TRPM2: variants seen among roughly 807,000 people sequenced by gnomAD.
TRPM2 encodes the protein estrogen-responsive element-associated gene 1 protein.
Under a neutral mutation model 174.0 loss-of-function variants are expected in TRPM2, and 161 were observed. The ratio of observed to expected loss-of-function variants is 0.93; its 90% CI spans 0.81 to 1.05. The LOEUF is 1.05. Among genes scored for constraint, TRPM2 ranks in the 50% least tolerant of loss-of-function variants. TRPM2 has a pLI of 0.00. For synonymous variants in TRPM2, 954 were observed against 861.3 expected, an observed-to-expected ratio of 1.11 and a Z score of -1.88; for missense variants, 2,057 against 2,038.0, an observed-to-expected ratio of 1.01 and a Z score of -0.18.
chr21:44,374,716 C>G (rs557533559), intron 5 of TRPM2, among the ~76,000 whole-genome samples: 12 of 152,204 alleles, frequency 7.9e-5, no homozygotes, highest in Admixed American at 6.5e-4. Flanking sequence ...AGGTGGAGCT[C>G]GGACAGTCAC....
chr21:44,373,059 C>CA (rs1301896965), intron 5 of TRPM2, among the ~76,000 whole-genome samples: 4 of 152,174 alleles, frequency 2.6e-5, no homozygotes, highest in African/African-American at 9.7e-5. Context: ...AAGGGCTCTG[C>CA]AGACCTTTCC....
Position 44,406,037 on chromosome 21 carries a change from G to A in TRPM2, c.2790G>A (p.Met930Ile), listed in dbSNP as rs1219384228. ...LGPKIIIVKR[M>I]MKDVFFFLFL... is the part of the protein sequence containing the mutation. ...CCAAGATCATCATTGTGAAGCGGAT[G>A]GTAAGGGGGCGGGGGCACCGGCTCC... Residue 930 changes from methionine to isoleucine, a missense_variant and splice_region_variant, in exon 18 of 32, where the codon ATG becomes ATA. By Grantham distance (10) the Met-to-Ile change is conservative. Transcript: ENST00000397928. 6.2e-6 allele frequency: 10 copies of A among 1,605,336 alleles called. No individual in the cohort carries two copies. Among genetic ancestry groups the A allele is most frequent in the Admixed American group, 1.7e-5 (1 of 59,952 alleles).
Position 44,354,705 on chromosome 21 carries a change from T to C in TRPM2, c.223T>C (p.Phe75Leu). Residue 75 changes from phenylalanine to leucine, a missense_variant, in exon 2 of 32, where the codon TTT becomes CTT. By Grantham distance (22) the Phe-to-Leu change is conservative. Coordinates refer to ENST00000397928, the MANE Select transcript of TRPM2 (RefSeq NM_003307.4). This position sits in a 1 kb window ranked among gnomAD's most constrained non-coding sequence, Gnocchi z 4.3. ...CATCAAGAAGAAAGAATGCGTGTAT[T>C]TTGTGGAAAGTTCCAAACTGTCTGA... is the stretch of plus-strand genomic sequence containing the variant. Reference protein sequence around the residue: ...ENIKKKECVYFVESSKLSDAG... With the variant: ...ENIKKKECVYLVESSKLSDAG... 6.2e-7 allele frequency: 1 copy of C among 1,614,214 alleles called. No individual in the cohort carries two copies. The highest frequency in any genetic ancestry group is 8.5e-7 in the Non-Finnish European group (1 of 1,180,038).
chr21:44,376,064 G>A lies in TRPM2; in HGVS notation c.952+51G>A. The A allele has an allele frequency of 6.3e-7, 1 of 1,584,590 alleles. No individual in the cohort carries two copies. Among genetic ancestry groups the A allele is most frequent in the South Asian group, 1.1e-5 (1 of 87,294 alleles). On this transcript the variant is annotated intron_variant, in intron 6 of 31. Transcript: ENST00000397928. This position sits in a 1 kb window ranked among gnomAD's most constrained non-coding sequence, Gnocchi z 4.2. The stretch of plus-strand genomic sequence containing the variant: ...ATTGGGCAGAGAGCACAGTGGGCTG[G>A]TCAGAGTGTCAGGTACAGCTGGTCA...
At position 44,438,058 on chromosome 21, in the gene TRPM2, G is replaced by A. The variant is rs1048855670; in HGVS notation, c.4167+891G>A. On this transcript the variant is annotated intron_variant, in intron 29 of 31. Transcript: ENST00000397928. This position sits in a 1 kb window ranked among gnomAD's most constrained non-coding sequence, Gnocchi z 5.9. ...GCTGTGGGAGTGTGTGTGCCACCAC[G>A]GTGTGCAGGGCAGCAGTGCCACAAG... 5.3e-5 allele frequency among the ~76,000 whole-genome samples: 8 copies of A among 152,260 alleles called. No individual in the cohort carries two copies. The highest frequency in any genetic ancestry group is 9.6e-5 in the African/African-American group (4 of 41,468).
upstream of TRPM2, chr21:44,353,459 C>A (rs560469987): frequency 1.1e-5 from 5 of 466,242 alleles, no homozygotes; most frequent in Non-Finnish European, 1.8e-5. Flanking sequence ...GTCCGGGGGC[C>A]CCAGCCAAGG....
At chr21:44,383,253 G>A (rs760752244) in intron 9 of TRPM2, among the ~76,000 whole-genome samples, 6 of 152,142 alleles carry the variant, frequency 3.9e-5, no homozygotes, top group African/African-American at 7.2e-5. Context: ...TGTAACTTCT[G>A]TTGCTTAGCC....
rs142647760 is a variant in TRPM2, at chr21:44,411,230, A to G, written c.2963-2661A>G. Among the ~76,000 whole-genome samples, 472 of 152,302 alleles carry G rather than the reference A, an allele frequency of 3.1e-3. 1 individual carries two copies. The highest frequency in any genetic ancestry group is 0.011 in the African/African-American group (443 of 41,562). On this transcript the variant is annotated intron_variant, in intron 19 of 31. Coordinates refer to ENST00000397928, the MANE Select transcript of TRPM2 (RefSeq NM_003307.4). ...AGGGCATCTGTGATTTTGATTGTGA[A>G]CATGGGATGTCTTTTTGCTTATTTA...
intron 19 of TRPM2, among the ~76,000 whole-genome samples, chr21:44,413,208 A>G (rs953772598): frequency 1.1e-5 from 1 of 89,162 alleles, no homozygotes; most frequent in African/African-American, 4.3e-5. Flanking sequence ...GATAGTTGTT[A>G]TTTTTTTCCT....
chr21:44,380,765 GC>G (rs2048856108), intron 8 of TRPM2, among the ~76,000 whole-genome samples: 1 of 152,234 alleles, frequency 6.6e-6, no homozygotes, highest in African/African-American at 2.4e-5. Flanking sequence ...CCCTGCAGGG[GC>G]TCACAGCTGT....
rs113812700 is a variant in TRPM2 at position 44,438,668 on chromosome 21, G to A, written c.4168-399G>A. Among the ~76,000 whole-genome samples, 1,586 of 152,264 alleles carry A rather than the reference G, an allele frequency of 0.01. 30 individuals carry two copies. Among genetic ancestry groups the A allele is most frequent in the African/African-American group, 0.036 (1,495 of 41,534 alleles). ...AGGCCGGGGTGGGACTGGGAGAGAC[G>A]GGAATGCAAACAGGGAACCCGCCGT... On this transcript the variant is annotated intron_variant, in intron 29 of 31. Transcript: ENST00000397928. This position sits in a 1 kb window ranked among gnomAD's most constrained non-coding sequence, Gnocchi z 5.9.
In TRPM2 at chr21:44,399,644, A is replaced by G. The variant is rs554840269; in HGVS notation, c.2208+203A>G. Among the ~76,000 whole-genome samples, 4 of 152,300 alleles carry G rather than the reference A, an allele frequency of 2.6e-5. No homozygotes were observed. In the South Asian group the frequency reaches 8.3e-4, roughly 32 times the overall value. On this transcript the variant is annotated intron_variant, in intron 14 of 31. Transcript: ENST00000397928. The surrounding 1 kb of genome is among the most constrained non-coding windows in gnomAD (Gnocchi z 4.6). ...GATGGGGGGAAGCTAACATGAAGCA[A>G]AAGCAGGAGCTGGTGGCCATGGAGA...
At position 44,382,482 on chromosome 21, in the gene TRPM2, C is replaced by T. The variant is rs114425075; in HGVS notation, c.1216-236C>T. On this transcript the variant is annotated intron_variant, in intron 8 of 31. Coordinates refer to ENST00000397928, the MANE Select transcript of TRPM2 (RefSeq NM_003307.4). ...CTGCACTATCGTCAGGGTGAAGATC[C>T]GTTGCCCTTGGATTGTGTTTTCCAC... 2.7e-3 allele frequency among the ~76,000 whole-genome samples: 409 copies of T among 152,224 alleles called. 3 individuals carry two copies. Among genetic ancestry groups the T allele is most frequent in the African/African-American group, 9.3e-3 (386 of 41,546 alleles).
chr21:44,369,221 C>T lies in TRPM2; in HGVS notation c.649C>T (p.Gln217Ter). The change falls in exon 5 of 32, where the codon CAG (glutamine) becomes TAG (stop). Residue 217 changes from glutamine to a stop codon, truncating the protein, a stop_gained. Coordinates refer to ENST00000397928, the MANE Select transcript of TRPM2 (RefSeq NM_003307.4). LOFTEE classifies it high-confidence loss of function. ...TGGSHTGVMKQVGEAVRDFSL... is the reference protein window; with the variant it reads ...TGGSHTGVMK ...GGGGTCCCACACCGGCGTCATGAAG[C>T]AGGTAGGCGAGGCGGTGCGGGACTT... 1.2e-6 allele frequency: 2 copies of T among 1,613,506 alleles called. No homozygotes were observed. The highest frequency in any genetic ancestry group is 1.7e-6 in the Non-Finnish European group (2 of 1,179,848).
At chr21:44,408,357 A>G (rs1327676064) in intron 19 of TRPM2, among the ~76,000 whole-genome samples, 3 of 152,084 alleles carry the variant, frequency 2.0e-5, no homozygotes, top group East Asian at 1.9e-4. Flanking sequence ...CGGCTGGCTC[A>G]TATGGGAACT....
At chr21:44,440,312 A>AGAGATTCCGTCTC (rs2051451404) in intron 30 of TRPM2, among the ~76,000 whole-genome samples, 4 of 4,000 alleles carry the variant, frequency 1.0e-3, no homozygotes, top group Non-Finnish European at 1.3e-3. Flanking sequence ...CTCAAAAAAA[A>AGAGATTCCGTCTC]AAAAAAAAAA....
intron 4 of TRPM2, among the ~76,000 whole-genome samples, chr21:44,368,822 A>T (rs546034975): frequency 1.3e-5 from 2 of 152,178 alleles, no homozygotes; most frequent in East Asian, 3.9e-4. Flanking sequence ...GACCAGGCTG[A>T]GTGTTGGGAG....
chr21:44,350,685 G>T (rs1267041990), upstream of TRPM2, among the ~76,000 whole-genome samples: 1 of 138,496 alleles, frequency 7.2e-6, no homozygotes, highest in Non-Finnish European at 1.6e-5. Flanking sequence ...GTGCAGGGGC[G>T]GGCGGGGTTC....
chr21:44,430,268 A>G (rs565889621), intron 27 of TRPM2, among the ~76,000 whole-genome samples: 1 of 152,330 alleles, frequency 6.6e-6, no homozygotes, highest in African/African-American at 2.4e-5. Flanking sequence ...ACCAGTCTCA[A>G]TGAATGAGCT....
Sources: allele counts gnomAD v4.1 joint callset (sites outside exome capture counted in the v4.1 genomes callset), GRCh38; gene constraint gnomAD v4.1.1; non-coding constraint Gnocchi (gnomAD v3.1); transcripts MANE v1.5; gene names NCBI Gene and HGNC (gene_info 2026-07-23, HGNC 2026-07-21).